PLCG2: variants seen among roughly 807,000 people sequenced by gnomAD.
The protein encoded by PLCG2 is phospholipase C gamma 2, also known as 1-phosphatidylinositol 4,5-bisphosphate phosphodiesterase gamma-2.
In PLCG2, 69 loss-of-function variants were observed where a neutral mutation model predicts 175.6. The ratio of observed to expected loss-of-function variants is 0.39; its 90% CI spans 0.32 to 0.48. PLCG2 has a LOEUF of 0.48. Among genes scored for constraint, PLCG2 ranks in the 20% least tolerant of loss-of-function variants. The pLI is 0.91. For synonymous variants in PLCG2, 827 were observed against 624.0 expected, an observed-to-expected ratio of 1.33 and a Z score of -4.85; for missense variants, 1,798 against 1,650.9, an observed-to-expected ratio of 1.09 and a Z score of -1.54.
intron 2 of PLCG2, 65 bp downstream of exon 2, chr16:81,786,247 A>G (rs1910967222): frequency 1.5e-6 from 2 of 1,312,412 alleles, no homozygotes; most frequent in Non-Finnish European, 2.1e-6. Flanking sequence ...GCACCTGTCC[A>G]CCTTCCTGTC....
intron 23 of PLCG2, among the ~76,000 whole-genome samples, chr16:81,928,195 C>G (rs898766737): frequency 1.3e-5 from 2 of 152,114 alleles, no homozygotes; most frequent in African/African-American, 2.4e-5. Flanking sequence ...ACAGAAGGTT[C>G]TTGAGCCGGG....
chr16:81,915,833 ATTT>A (rs760724403), intron 19 of PLCG2, among the ~76,000 whole-genome samples: 39 of 152,142 alleles, frequency 2.6e-4, no homozygotes, highest in Non-Finnish European at 5.9e-5. Context: ...TTTAAAATTA[ATTT>A]TTAATTACAT....
At chr16:81,806,966 C>T (rs755446500) in intron 2 of PLCG2, among the ~76,000 whole-genome samples, 15 of 152,200 alleles carry the variant, frequency 9.9e-5, no homozygotes, top group South Asian at 2.1e-4. Context: ...TCCAGGGAGC[C>T]GGGAGCCATG....
Position 81,931,488 on chromosome 16 carries a change from T to A in PLCG2, c.2582-9T>A, listed in dbSNP as rs761910220. ...CTGATTGGGACATTTCTTATTCTCT[T>A]ACCCCAAGTGAAAGCCCCTCAGGGA... On this transcript the variant is annotated splice_polypyrimidine_tract_variant and intron_variant, in intron 24 of 32. Coordinates refer to ENST00000564138, the MANE Select transcript of PLCG2 (RefSeq NM_002661.5). The A allele has an allele frequency of 2.5e-6, 4 of 1,613,646 alleles. No individual in the cohort carries two copies. Among genetic ancestry groups the A allele is most frequent in the Non-Finnish European group, 3.4e-6 (4 of 1,179,698 alleles).
chr16:81,805,789 T>G (rs1469366233), intron 2 of PLCG2, among the ~76,000 whole-genome samples: 3 of 145,574 alleles, frequency 2.1e-5, no homozygotes, highest in African/African-American at 5.1e-5. Context: ...TTTTGTTTTT[T>G]TTTTTTTTTG....
At chr16:81,750,813 G>T (rs1293583280) in intron 1 of PLCG2, among the ~76,000 whole-genome samples, 1 of 150,344 alleles carries the variant, frequency 6.7e-6, no homozygotes, top group African/African-American at 2.4e-5. Context: ...GACTACAGGC[G>T]CCTGCCACCA....
intron 31 of PLCG2, among the ~76,000 whole-genome samples, chr16:81,956,267 C>T (rs1171682093): frequency 6.6e-6 from 1 of 152,160 alleles, no homozygotes; most frequent in African/African-American, 2.4e-5. Context: ...AAATTATCTG[C>T]CTCCTGCCTG....
chr16:81,829,594 C>A (rs774684884), intron 2 of PLCG2, among the ~76,000 whole-genome samples: 5 of 152,212 alleles, frequency 3.3e-5, no homozygotes, highest in Non-Finnish European at 5.9e-5. Flanking sequence ...TATCAAAGTT[C>A]CAGAATTTAT....
intron 7 of PLCG2, among the ~76,000 whole-genome samples, chr16:81,877,146 C>G (rs908755598): frequency 6.6e-6 from 1 of 152,188 alleles, no homozygotes; most frequent in Non-Finnish European, 1.5e-5. Flanking sequence ...GCAAGTACTG[C>G]AACTCGTGGC....
chr16:81,774,210 C>T (rs889147711), intron 2 of PLCG2, among the ~76,000 whole-genome samples: 2 of 132,504 alleles, frequency 1.5e-5, no homozygotes, highest in East Asian at 2.3e-4. Context: ...AAAAGCCAGG[C>T]GTGGTGATGC....
chr16:81,961,521 A>G lies in PLCG2; in HGVS notation c.*3523A>G. The G allele has an allele frequency of 4.5e-6, 1 of 220,640 alleles. No individual in the cohort carries two copies. The highest frequency in any genetic ancestry group is 9.1e-6 in the Non-Finnish European group (1 of 110,278). 13.7% of individuals were successfully genotyped at this position (220,640 alleles called of 1,614,324 possible). ...ACTATATAATACTTTTGGTACAGAG[A>G]TAGAATTAAATAACATAAAAATCAA... On this transcript the variant is annotated 3_prime_UTR_variant, in exon 33 of 33. Transcript: ENST00000564138.
intron 7 of PLCG2, among the ~76,000 whole-genome samples, chr16:81,871,398 G>A (rs1237212483): frequency 1.3e-5 from 2 of 152,186 alleles, no homozygotes; most frequent in African/African-American, 4.8e-5. Flanking sequence ...GAGTGCAGTG[G>A]TGTGATCTTG....
intron 2 of PLCG2, among the ~76,000 whole-genome samples, chr16:81,832,106 G>GT (rs1905284503): frequency 1.6e-5 from 1 of 62,026 alleles, no homozygotes; most frequent in South Asian, 4.5e-4. Context: ...GATAAATGGA[G>GT]GGGGGGAATA....
chr16:81,740,163 G>GA (rs1909558020), intron 1 of PLCG2: 1 of 141,338 alleles, frequency 7.1e-6, no homozygotes, highest in Admixed American at 7.1e-5. Flanking sequence ...AAAAAAGAAA[G>GA]AAAAGAAACA....
At chr16:81,839,936 A>G (rs994655141) in intron 2 of PLCG2, among the ~76,000 whole-genome samples, 2 of 152,208 alleles carry the variant, frequency 1.3e-5, no homozygotes, top group African/African-American at 4.8e-5. Flanking sequence ...CTGTAGTCCC[A>G]GTCACCTGGC....
chr16:81,949,448 A>C (rs142108360), intron 31 of PLCG2, among the ~76,000 whole-genome samples: 6 of 152,340 alleles, frequency 3.9e-5, no homozygotes, highest in Non-Finnish European at 8.8e-5. Flanking sequence ...TTTGGTGCTG[A>C]AAACTAAAAG....
At chr16:81,857,981 C>T in intron 3 of PLCG2, 1 of 419,626 alleles carries the variant, frequency 2.4e-6, no homozygotes, top group Non-Finnish European at 4.4e-6. Context: ...GTGATAGTTC[C>T]CACCACTCCC....
chr16:81,843,307 A>C (rs985962562), intron 2 of PLCG2, among the ~76,000 whole-genome samples: 1 of 152,168 alleles, frequency 6.6e-6, no homozygotes, highest in Non-Finnish European at 1.5e-5. Flanking sequence ...GTTGGTGGAA[A>C]TCTTTTGGTA....
intron 11 of PLCG2, among the ~76,000 whole-genome samples, chr16:81,893,494 G>C (rs1405271429): frequency 5.9e-5 from 9 of 152,194 alleles, no homozygotes; most frequent in Admixed American, 5.9e-4. Flanking sequence ...GTCACTTCCT[G>C]CGATTGTGGC....
Sources: allele counts gnomAD v4.1 joint callset (sites outside exome capture counted in the v4.1 genomes callset), GRCh38; gene constraint gnomAD v4.1.1; transcripts MANE v1.5; gene names NCBI Gene and HGNC (gene_info 2026-07-23, HGNC 2026-07-21).